Variants in GRM7 observed in about 807,000 individuals in gnomAD.
GRM7 encodes the protein glutamate metabotropic receptor 7.
A neutral mutation model predicts 84.5 loss-of-function variants in GRM7; 35 were observed. That is an observed-to-expected ratio of 0.41 (90% CI 0.32 to 0.55). The LOEUF (loss-of-function observed/expected upper bound fraction) is 0.55. GRM7 is among the 20% of genes least tolerant of loss of function. The pLI, the probability that GRM7 is intolerant of heterozygous loss-of-function variation, is 0.19. For synonymous variants in GRM7, 487 were observed against 455.1 expected (o/e 1.07, Z -0.89); for missense variants, 1,003 against 1,194.6 (o/e 0.84, Z 2.36).
At chr3:7,241,433 A>G (rs1697554119) in intron 2 of GRM7, among the ~76,000 whole-genome samples, 1 of 152,156 alleles carries the variant, frequency 6.6e-6, no homozygotes, top group Non-Finnish European at 1.5e-5. Flanking sequence ...TATCCTTAGA[A>G]CTTACTTTTT....
At chr3:6,943,869 T>C (rs1697971157) in intron 1 of GRM7, among the ~76,000 whole-genome samples, 1 of 152,046 alleles carries the variant, frequency 6.6e-6, no homozygotes, top group Admixed American at 6.6e-5. Flanking sequence ...GCAATGTTTG[T>C]TCATTAAGTG....
intron 6 of GRM7, among the ~76,000 whole-genome samples, chr3:7,460,127 AAAG>A (rs1486717537): frequency 4.6e-4 from 68 of 149,142 alleles, no homozygotes; most frequent in African/African-American, 1.4e-3. Context: ...AAAAAAAAAA[AAAG>A]ATGCCAAACC....
At chr3:7,565,740 G>A (rs1694227847) in intron 7 of GRM7, among the ~76,000 whole-genome samples, 1 of 152,202 alleles carries the variant, frequency 6.6e-6, no homozygotes, top group African/African-American at 2.4e-5. Context: ...GCAATAATTG[G>A]CTTAGGAGAA....
rs1217637104 is a variant in GRM7, at chr3:7,271,501, G to A, written c.737-27183G>A. 9.5e-5 allele frequency among the ~76,000 whole-genome samples: 14 copies of A among 147,154 alleles called. No homozygotes were observed. The Admixed American group carries it at 9.8e-4, about 10-fold the overall frequency. On this transcript the variant is annotated intron_variant, in intron 2 of 9. Coordinates refer to ENST00000357716, the MANE Select transcript of GRM7 (RefSeq NM_000844.4). ...GTGAACCCGGGAGGCGGAGCTTGCA[G>A]TGAGCTGAAATCGCGTCATTGCACT...
intron 2 of GRM7, among the ~76,000 whole-genome samples, chr3:7,273,934 T>C (rs981174490): frequency 6.6e-6 from 1 of 152,042 alleles, no homozygotes; most frequent in African/African-American, 2.4e-5. Context: ...CCTTGTTTTT[T>C]ATTCCTATTT....
intron 7 of GRM7, among the ~76,000 whole-genome samples, chr3:7,466,507 G>T (rs1009487681): frequency 3.9e-5 from 6 of 152,156 alleles, no homozygotes; most frequent in African/African-American, 1.2e-4. Flanking sequence ...AATCGATGTT[G>T]TAAGTAAAAT....
chr3:6,907,161 T>G (rs1696609062), intron 1 of GRM7, among the ~76,000 whole-genome samples: 1 of 152,186 alleles, frequency 6.6e-6, no homozygotes, highest in African/African-American at 2.4e-5. Context: ...CACCTCAGCC[T>G]TTCAATGTGC....
intron 4 of GRM7, among the ~76,000 whole-genome samples, chr3:7,397,273 G>C (rs570408288): frequency 6.6e-6 from 1 of 152,224 alleles, no homozygotes; most frequent in East Asian, 1.9e-4. Context: ...TTAAGGAACA[G>C]TGTGTCATAC....
chr3:6,883,256 A>T (rs1695578185), intron 1 of GRM7, among the ~76,000 whole-genome samples: 1 of 152,088 alleles, frequency 6.6e-6, no homozygotes, highest in Non-Finnish European at 1.5e-5. Context: ...TTGATTTACA[A>T]TAACTTTTTA....
intron 4 of GRM7, among the ~76,000 whole-genome samples, chr3:7,409,705 G>A (rs1376788290): frequency 3.9e-5 from 6 of 151,950 alleles, no homozygotes; most frequent in Non-Finnish European, 7.4e-5. Context: ...GGTTCAAGCA[G>A]TTCTCCTGCC....
At chr3:6,982,195 A>G (rs1194266127) in intron 1 of GRM7, among the ~76,000 whole-genome samples, 4 of 152,200 alleles carry the variant, frequency 2.6e-5, no homozygotes, top group Non-Finnish European at 5.9e-5. Flanking sequence ...TAATGCAGGA[A>G]CAGAAAACCA....
Position 7,324,958 on chromosome 3 carries a change from C to T in GRM7, c.1033+18306C>T, listed in dbSNP as rs147670361. On this transcript the variant is annotated intron_variant, in intron 4 of 9. Transcript: ENST00000357716. ...CAGCCAGGTCCTGCAGCTTTTCCAA[C>T]GTGTAATTTATCTCCTCACTTAGCA... Among the ~76,000 whole-genome samples the T allele has an allele frequency of 1.6e-3, 248 of 152,276 alleles. 1 individual carries two copies. Among genetic ancestry groups the T allele is most frequent in the African/African-American group, 5.7e-3 (235 of 41,564 alleles).
chr3:6,887,652 C>A (rs1371678310), intron 1 of GRM7, among the ~76,000 whole-genome samples: 3 of 152,066 alleles, frequency 2.0e-5, no homozygotes, highest in African/African-American at 7.2e-5. Context: ...TGGGTTGGTT[C>A]CAAGTCTTTG....
chr3:6,933,937 A>G (rs1163681455), intron 1 of GRM7, among the ~76,000 whole-genome samples: 1 of 152,138 alleles, frequency 6.6e-6, no homozygotes, highest in Non-Finnish European at 1.5e-5. Context: ...TTCTCTAGAG[A>G]AGGAACCAAC....
intron 9 of GRM7, among the ~76,000 whole-genome samples, chr3:7,703,811 A>T (rs140158415): frequency 1.1e-4 from 17 of 152,322 alleles, no homozygotes; most frequent in African/African-American, 1.7e-4. Context: ...TACTAAGTTC[A>T]CATGGCTTTT....
chr3:7,114,092 G>A (rs1258769573), intron 1 of GRM7, among the ~76,000 whole-genome samples: 1 of 152,100 alleles, frequency 6.6e-6, no homozygotes, highest in Non-Finnish European at 1.5e-5. Flanking sequence ...CTGTGTCATG[G>A]CAAGTAAAGA....
intron 1 of GRM7, among the ~76,000 whole-genome samples, chr3:6,888,467 A>C (rs967013586): frequency 1.3e-5 from 2 of 152,116 alleles, no homozygotes; most frequent in African/African-American, 4.8e-5. Context: ...CAGTTTTCCC[A>C]GCACCATTTA....
At chr3:6,998,938 C>A (rs994539382) in intron 1 of GRM7, among the ~76,000 whole-genome samples, 3 of 152,184 alleles carry the variant, frequency 2.0e-5, no homozygotes, top group Admixed American at 6.5e-5. Context: ...CTCTGACATG[C>A]CCTAGAGACA....
chr3:7,648,752 A>G (rs9838647), intron 8 of GRM7, among the ~76,000 whole-genome samples: 96,509 of 152,056 alleles, frequency 0.63, 31,115 homozygotes, highest in African/African-American at 0.72. Flanking sequence ...CAGATGCAGC[A>G]AAGCCAAAGA....
Sources: allele counts gnomAD v4.1 joint callset (sites outside exome capture counted in the v4.1 genomes callset), GRCh38; gene constraint gnomAD v4.1.1; transcripts MANE v1.5; gene names NCBI Gene and HGNC (gene_info 2026-07-23, HGNC 2026-07-21).